SMIM27: variants seen among roughly 807,000 people sequenced by gnomAD.
SMIM27 encodes TOPORS antisense RNA 1 (non-protein coding).
In SMIM27, 3 loss-of-function variants were observed where a neutral mutation model predicts 1.8. The ratio of observed to expected loss-of-function variants is 1.65; its 90% CI spans 0.75 to 4.28. The LOEUF (loss-of-function observed/expected upper bound fraction) is 4.28, where lower values mean the gene tolerates loss of function less well. SMIM27 is among the 30% of genes most tolerant of loss of function. SMIM27 has a pLI of 0.02. For synonymous variants in SMIM27, 19 were observed against 13.9 expected (o/e 1.37, Z -0.82); for missense variants, 63 against 37.0 (o/e 1.70, Z -1.83).
exon 2 of SMIM27, chr9:32,566,728 A>C (rs1464416143): frequency 2.2e-6 from 2 of 901,068 alleles, no homozygotes; most frequent in African/African-American, 3.3e-5. Context: ...CGGGACTCCA[A>C]GCCTTCAAAC....
Position 32,552,483 on chromosome 9 carries a change from A to T in SMIM27, c.45+4A>T. ...GCTGGACTGGATTTATTCAGTGGTA[A>T]GTCCCGGGGATCGCGGGCCCCCACC... On this transcript the variant is annotated splice_donor_region_variant and intron_variant, in intron 1 of 1. Transcript: ENST00000692500. The T allele has an allele frequency of 6.3e-7, 1 of 1,592,152 alleles. No individual in the cohort carries two copies. The highest frequency in any genetic ancestry group is 8.5e-7 in the Non-Finnish European group (1 of 1,169,792).
At chr9:32,559,759 C>G (rs1334734818) in intron 1 of SMIM27, among the ~76,000 whole-genome samples, 5 of 152,134 alleles carry the variant, frequency 3.3e-5, no homozygotes, top group Non-Finnish European at 7.3e-5. Context: ...CTTCTATAGA[C>G]TTGTTCTCCT....
chr9:32,566,722 A>T (rs759382917), exon 2 of SMIM27: 19 of 871,654 alleles, frequency 2.2e-5, no homozygotes, highest in Admixed American at 5.1e-5. Context: ...CAAAATCGGG[A>T]CTCCAAGCCT....
downstream of SMIM27, among the ~76,000 whole-genome samples, chr9:32,555,660 G>A (rs989024978): frequency 2.0e-5 from 3 of 152,216 alleles, no homozygotes; most frequent in Admixed American, 1.3e-4. Context: ...CAGAATGTTT[G>A]AAATTAAAAC....
chr9:32,560,483 T>C (rs1821595200), intron 1 of SMIM27, among the ~76,000 whole-genome samples: 1 of 152,220 alleles, frequency 6.6e-6, no homozygotes, highest in African/African-American at 2.4e-5. Flanking sequence ...TTTTAAAAGT[T>C]CTGAAAACAT....
chr9:32,563,491 C>CTTTTTTTT (rs111646430), intron 1 of SMIM27, among the ~76,000 whole-genome samples: 3 of 92,004 alleles, frequency 3.3e-5, no homozygotes, highest in Non-Finnish European at 6.6e-5. Context: ...GACTATTGGG[C>CTTTTTTTT]TTTTTTTTTT....
Position 32,552,440 on chromosome 9 carries a change from G to T in SMIM27, c.6G>T (p.Lys2Asn). 6.2e-7 allele frequency: 1 copy of T among 1,608,218 alleles called. No individual in the cohort carries two copies. Among genetic ancestry groups the T allele is most frequent in the Non-Finnish European group, 8.5e-7 (1 of 1,177,646 alleles). M[K>N]PVSRRTLDWI... ...ACTGCTGCCGCCTCCTTACCATGAAGCCAGTAAGTCGTCGCACGCTGGACT... is the reference window on the plus strand; with the variant it reads ...ACTGCTGCCGCCTCCTTACCATGAATCCAGTAAGTCGTCGCACGCTGGACT... The change falls in exon 1 of 2, where the codon AAG (lysine) becomes AAT (asparagine). Residue 2 changes from lysine (K) to asparagine (N), a missense_variant. Physicochemically the swap from Lys to Asn is moderately conservative, Grantham distance 94. Coordinates refer to ENST00000692500, the MANE Select transcript of SMIM27 (RefSeq NM_001387564.1).
In SMIM27 at chr9:32,566,552, G is replaced by A. The variant is rs988363097; in HGVS notation, c.*99G>A. 41 of 775,298 alleles carry A rather than the reference G, an allele frequency of 5.3e-5. No homozygotes were observed. In the Middle Eastern group the frequency reaches 7.5e-4, roughly 14 times the overall value. The allele number at this position is 775,298 out of a possible 1,614,324, so 48.0% of individuals were successfully genotyped here. A position where few individuals can be genotyped will look rare whatever the true frequency, so the allele number is the denominator to read the frequency against. ...TTGGCTCCTCTGTTGTATAGCTGCC[G>A]TCGTACTGCACAGACTGGAGCTTCT... On this transcript the variant is annotated 3_prime_UTR_variant, in exon 2 of 2. Transcript: ENST00000451672.
chr9:32,561,882 G>GATC (rs1265817852), intron 1 of SMIM27, among the ~76,000 whole-genome samples: 1 of 152,162 alleles, frequency 6.6e-6, no homozygotes, highest in African/African-American at 2.4e-5. Context: ...GCCTCCAGCT[G>GATC]ATCTGCCCTG....
At chr9:32,566,803 C>A in exon 2 of SMIM27, 1 of 889,308 alleles carries the variant, frequency 1.1e-6, no homozygotes. Flanking sequence ...AGGAGGTCGG[C>A]CAGCAGTCTC....
At position 32,552,484 on chromosome 9, in the gene SMIM27, G is replaced by A; in HGVS notation, c.45+5G>A. 1 of 1,592,222 alleles carries A rather than the reference G, an allele frequency of 6.3e-7. No homozygotes were observed. Among genetic ancestry groups the A allele is most frequent in the Non-Finnish European group, 8.5e-7 (1 of 1,169,822 alleles). ...CTGGACTGGATTTATTCAGTGGTAA[G>A]TCCCGGGGATCGCGGGCCCCCACCG... On this transcript the variant is annotated splice_donor_5th_base_variant and intron_variant, in intron 1 of 1. Transcript: ENST00000692500.
At chr9:32,566,769 G>A in exon 2 of SMIM27, 1 of 905,268 alleles carries the variant, frequency 1.1e-6, no homozygotes, top group South Asian at 1.3e-5. Flanking sequence ...GGTGTCGGCT[G>A]CGACGTTCTG....
chr9:32,560,305 A>C (rs935351559), intron 1 of SMIM27, among the ~76,000 whole-genome samples: 2 of 152,230 alleles, frequency 1.3e-5, no homozygotes, highest in South Asian at 4.1e-4. Context: ...GGAAGTGTGA[A>C]CCCTCAGATA....
downstream of SMIM27, among the ~76,000 whole-genome samples, chr9:32,555,632 T>C (rs1397993167): frequency 1.3e-5 from 2 of 152,210 alleles, no homozygotes; most frequent in South Asian, 2.1e-4. Context: ...ACCAAACATA[T>C]AGTTTACAGA....
At chr9:32,565,109 A>G (rs990992192) in intron 1 of SMIM27, among the ~76,000 whole-genome samples, 3 of 152,144 alleles carry the variant, frequency 2.0e-5, no homozygotes, top group African/African-American at 7.2e-5. Context: ...CCTGGCCAAC[A>G]TGGCAAAACC....
intron 1 of SMIM27, among the ~76,000 whole-genome samples, chr9:32,560,790 A>T (rs1821603425): frequency 6.6e-6 from 1 of 152,252 alleles, no homozygotes; most frequent in Non-Finnish European, 1.5e-5. Flanking sequence ...GATAGTAAAA[A>T]CAAAGGAGAT....
At chr9:32,551,150 G>C, upstream of SMIM27, 1 of 726,370 alleles carries the variant, frequency 1.4e-6, no homozygotes, top group Non-Finnish European at 2.3e-6. Flanking sequence ...CTCCCCCGCC[G>C]CTCCAGACCC....
At chr9:32,552,730 A>T (rs1821327812) in intron 1 of SMIM27, 71 bp from the exon 2 acceptor site, 10 of 674,884 alleles carry the variant, frequency 1.5e-5, no homozygotes, top group Non-Finnish European at 2.7e-5. Flanking sequence ...TAGCAATGGC[A>T]ACGGTAACCT....
upstream of SMIM27, chr9:32,551,946 A>T: frequency 3.3e-6 from 1 of 299,730 alleles, no homozygotes. Context: ...AAAGATGAAC[A>T]GGCGAACGTC....
Sources: gnomAD v4.1 joint callset for allele counts (sites outside exome capture counted in the v4.1 genomes callset) on GRCh38, gnomAD v4.1.1 for gene constraint, MANE v1.5 for transcripts, NCBI Gene and HGNC (gene_info 2026-07-23, HGNC 2026-07-21) for gene names.